LHFPL6: variants seen among roughly 807,000 people sequenced by gnomAD.
The protein encoded by LHFPL6 is LHFPL tetraspan subfamily member 6.
Under a neutral mutation model 20.6 loss-of-function variants are expected in LHFPL6, and 9 were observed. The ratio of observed to expected loss-of-function variants is 0.44; its 90% CI spans 0.26 to 0.76. The LOEUF is 0.76. LHFPL6 is among the 30% of genes least tolerant of loss of function. LHFPL6 has a pLI of 0.20. For missense variants in LHFPL6, 218 were observed against 253.5 expected, an observed-to-expected ratio of 0.86 and a Z score of 0.95; for synonymous variants, 105 against 98.7, an observed-to-expected ratio of 1.06 and a Z score of -0.38.
At chr13:39,559,496 G>A (rs1046638648) in intron 2 of LHFPL6, among the ~76,000 whole-genome samples, 5 of 152,150 alleles carry the variant, frequency 3.3e-5, no homozygotes, top group East Asian at 1.9e-4. Flanking sequence ...GAGTGATGAC[G>A]CGGAGCTCCG....
chr13:39,488,281 T>C (rs1055228684), intron 2 of LHFPL6, among the ~76,000 whole-genome samples: 3 of 152,228 alleles, frequency 2.0e-5, no homozygotes, highest in African/African-American at 4.8e-5. Flanking sequence ...TTGTTGTTTA[T>C]AAGCCACCCA....
At chr13:39,411,861 G>A (rs1593302676) in intron 2 of LHFPL6, among the ~76,000 whole-genome samples, 1 of 152,226 alleles carries the variant, frequency 6.6e-6, no homozygotes, top group South Asian at 2.1e-4. Flanking sequence ...TCTCTTCAGT[G>A]GGATGTGGCC....
At chr13:39,429,843 T>C (rs1439895586) in intron 2 of LHFPL6, among the ~76,000 whole-genome samples, 2 of 152,236 alleles carry the variant, frequency 1.3e-5, no homozygotes. Context: ...AGGTAAATTC[T>C]CAATTTTCAT....
chr13:39,343,864 T>C lies in LHFPL6; in HGVS notation c.*72A>G, dbSNP rs965906988. ...GAACTACTATCCCACCTTTTGAAGG[T>C]AGGTGGATGTTTTGACCTCTCCAAG... On this transcript the variant is annotated 3_prime_UTR_variant, in exon 4 of 4. Coordinates refer to ENST00000379589, the MANE Select transcript of LHFPL6 (RefSeq NM_005780.3). The C allele has an allele frequency of 9.7e-6, 10 of 1,030,026 alleles. No homozygotes were observed. Among genetic ancestry groups the C allele is most frequent in the East Asian group, 7.3e-5 (3 of 41,218 alleles). 63.8% of individuals were successfully genotyped at this position (1,030,026 alleles called of 1,614,324 possible). A position where few individuals can be genotyped will look rare whatever the true frequency, so the allele number is the denominator to read the frequency against.
chr13:39,482,516 G>A (rs1391920658), intron 2 of LHFPL6, among the ~76,000 whole-genome samples: 2 of 152,236 alleles, frequency 1.3e-5, no homozygotes, highest in African/African-American at 2.4e-5. Flanking sequence ...AGAATAGCTT[G>A]TGATTTATCA....
intron 2 of LHFPL6, among the ~76,000 whole-genome samples, chr13:39,493,873 T>C (rs1318240875): frequency 6.6e-6 from 1 of 152,192 alleles, no homozygotes; most frequent in Non-Finnish European, 1.5e-5. Flanking sequence ...CAAGTTTCTC[T>C]CTATTTTTAT....
intron 2 of LHFPL6, among the ~76,000 whole-genome samples, chr13:39,496,303 C>G (rs1593336041): frequency 1.3e-5 from 2 of 152,100 alleles, no homozygotes; most frequent in East Asian, 3.9e-4. Context: ...TTGGAGGCCT[C>G]TTTTATAAGG....
At chr13:39,568,458 A>G (rs2138528004) in intron 2 of LHFPL6, among the ~76,000 whole-genome samples, 1 of 152,308 alleles carries the variant, frequency 6.6e-6, no homozygotes. Flanking sequence ...TTAGTATATA[A>G]AAAGGTATAA....
At chr13:39,430,774 G>T (rs1297007747) in intron 2 of LHFPL6, among the ~76,000 whole-genome samples, 1 of 152,128 alleles carries the variant, frequency 6.6e-6, no homozygotes, top group Non-Finnish European at 1.5e-5. Flanking sequence ...GTTTGTAAAT[G>T]CACCAATCAG....
chr13:39,594,956 G>A (rs991249159), intron 2 of LHFPL6, among the ~76,000 whole-genome samples: 32 of 152,152 alleles, frequency 2.1e-4, no homozygotes, highest in Non-Finnish European at 4.6e-4. Flanking sequence ...ATCACATACC[G>A]GGGCCTATTG....
intron 2 of LHFPL6, among the ~76,000 whole-genome samples, chr13:39,502,435 A>T (rs1488476571): frequency 6.7e-6 from 1 of 150,056 alleles, no homozygotes; most frequent in Non-Finnish European, 1.5e-5. Context: ...CCTGGGAAAC[A>T]TGGTGAGACT....
intron 2 of LHFPL6, among the ~76,000 whole-genome samples, chr13:39,426,967 T>C (rs1026898557): frequency 6.6e-6 from 1 of 152,146 alleles, no homozygotes; most frequent in Non-Finnish European, 1.5e-5. Flanking sequence ...TTTCATTTTG[T>C]TGCATTTAAA....
At chr13:39,380,747 C>T (rs549648498) in intron 2 of LHFPL6, among the ~76,000 whole-genome samples, 2 of 152,082 alleles carry the variant, frequency 1.3e-5, no homozygotes, top group African/African-American at 4.8e-5. Flanking sequence ...CCTGCTTCAG[C>T]CTCCTAAAGT....
chr13:39,583,678 T>G (rs1321300095), intron 2 of LHFPL6, among the ~76,000 whole-genome samples: 1 of 152,212 alleles, frequency 6.6e-6, no homozygotes, highest in African/African-American at 2.4e-5. Context: ...AAGTTAACTC[T>G]TCCACGGTTT....
rs375252155 is a variant in LHFPL6, at chr13:39,415,414, C to A, written c.386-36888G>T. On this transcript the variant is annotated intron_variant, in intron 2 of 3. Transcript: ENST00000379589. The stretch of plus-strand genomic sequence containing the variant: ...GTATGCACATGCATGTGTATGCATA[C>A]GCACATGTGGAAGAACTCAGGTCTG... Among the ~76,000 whole-genome samples, 14 of 151,816 alleles carry A rather than the reference C, an allele frequency of 9.2e-5. No individual in the cohort carries two copies. In the East Asian group the frequency reaches 1.5e-3, roughly 17 times the overall value.
chr13:39,482,096 G>A (rs1019790775), intron 2 of LHFPL6, among the ~76,000 whole-genome samples: 10 of 152,168 alleles, frequency 6.6e-5, no homozygotes, highest in African/African-American at 2.4e-4. Flanking sequence ...TGCAAAAGTT[G>A]CGAATTATTG....
In LHFPL6 at chr13:39,451,715, T is replaced by C. The variant is rs547903482; in HGVS notation, c.386-73189A>G. The stretch of plus-strand genomic sequence containing the variant: ...GTCTCTACTGTTAATATTTTCTTTT[T>C]AATAAGTCTCATAAAGTAGGTTGAG... On this transcript the variant is annotated intron_variant, in intron 2 of 3. Transcript: ENST00000379589. Among the ~76,000 whole-genome samples the C allele has an allele frequency of 2.6e-3, 391 of 152,374 alleles. 1 individual carries two copies. The highest frequency in any genetic ancestry group is 8.9e-3 in the African/African-American group (371 of 41,594).
At chr13:39,464,241 A>G (rs1431147664) in intron 2 of LHFPL6, among the ~76,000 whole-genome samples, 2 of 152,226 alleles carry the variant, frequency 1.3e-5, no homozygotes, top group Admixed American at 1.3e-4. Context: ...GGTGGATTAT[A>G]TAATACTAGA....
intron 2 of LHFPL6, among the ~76,000 whole-genome samples, chr13:39,435,026 G>A (rs1466845417): frequency 3.3e-5 from 4 of 120,804 alleles, no homozygotes; most frequent in African/African-American, 9.4e-5. Flanking sequence ...ACTGCAGTCC[G>A]CAGTCCGACC....
Sources: gnomAD v4.1 joint callset for allele counts (sites outside exome capture counted in the v4.1 genomes callset) on GRCh38, gnomAD v4.1.1 for gene constraint, MANE v1.5 for transcripts, NCBI Gene and HGNC (gene_info 2026-07-23, HGNC 2026-07-21) for gene names.